NFIB: variants seen among roughly 807,000 people sequenced by gnomAD.
The protein encoded by NFIB is nuclear factor 1 B-type.
In NFIB, 11 loss-of-function variants were observed where a neutral mutation model predicts 61.5. That is an observed-to-expected ratio of 0.18 (90% confidence interval 0.11 to 0.30). The LOEUF is 0.30. Among genes scored for constraint, NFIB ranks in the 10% least tolerant of loss-of-function variants. The probability of loss-of-function intolerance (pLI) is 1.00; values close to 1 mark genes in which losing one functional copy is unlikely to be tolerated. For missense variants in NFIB, 471 were observed against 608.9 expected, an observed-to-expected ratio of 0.77 and a Z score of 2.38; for synonymous variants, 260 against 216.5, an observed-to-expected ratio of 1.20 and a Z score of -1.76.
At chr9:14,451,303 G>C in the NFIB span, among the ~76,000 whole-genome samples, 1 of 152,148 alleles carries the variant, frequency 6.6e-6, no homozygotes, top group Non-Finnish European at 1.5e-5. Context: ...TTACATCTTT[G>C]TATACCTGAT....
chr9:14,137,375 T>G (rs538597830), intron 6 of NFIB, among the ~76,000 whole-genome samples: 1 of 152,304 alleles, frequency 6.6e-6, no homozygotes, highest in Admixed American at 6.5e-5. Context: ...TTATTGTTAT[T>G]CAATGAGAGT....
chr9:14,254,868 T>C (rs2056062602), intron 2 of NFIB, among the ~76,000 whole-genome samples: 1 of 152,172 alleles, frequency 6.6e-6, no homozygotes, highest in Non-Finnish European at 1.5e-5. Flanking sequence ...ATAATAATAA[T>C]GATCTTTTGC....
chr9:14,404,920 G>A, the NFIB span, among the ~76,000 whole-genome samples: 1 of 152,148 alleles, frequency 6.6e-6, no homozygotes, highest in Non-Finnish European at 1.5e-5. Flanking sequence ...CTGTTGTTTG[G>A]CATGATTTTG....
chr9:14,364,693 T>C (rs569594880), intron 1 of NFIB, among the ~76,000 whole-genome samples: 1 of 152,316 alleles, frequency 6.6e-6, no homozygotes, highest in Non-Finnish European at 1.5e-5. Flanking sequence ...GAGCCAGCCC[T>C]TTAAGGAAGA....
At chr9:14,283,233 G>A (rs2132453308) in intron 2 of NFIB, among the ~76,000 whole-genome samples, 2 of 152,292 alleles carry the variant, frequency 1.3e-5, no homozygotes, top group East Asian at 3.9e-4. Context: ...CTCCGGACTA[G>A]GGGCTCTTGG....
chr9:14,095,265 G>A (rs1275194750), intron 10 of NFIB, among the ~76,000 whole-genome samples: 1 of 152,134 alleles, frequency 6.6e-6, no homozygotes, highest in East Asian at 1.9e-4. Flanking sequence ...AACTGAAAAT[G>A]AAAGATGAAA....
At chr9:14,522,703 T>C in the NFIB span, among the ~76,000 whole-genome samples, 1 of 152,246 alleles carries the variant, frequency 6.6e-6, no homozygotes, top group Non-Finnish European at 1.5e-5. Context: ...TTGAGTCTCA[T>C]ATTCTTCCAC....
At chr9:14,243,388 C>A (rs1361668652) in intron 2 of NFIB, among the ~76,000 whole-genome samples, 2 of 152,124 alleles carry the variant, frequency 1.3e-5, no homozygotes, top group African/African-American at 4.8e-5. Flanking sequence ...GATTCCAAAA[C>A]AAATCTGGAT....
chr9:14,232,373 T>C (rs1459626435), intron 2 of NFIB, among the ~76,000 whole-genome samples: 2 of 152,230 alleles, frequency 1.3e-5, no homozygotes, highest in East Asian at 1.9e-4. Context: ...CTTAACTCCG[T>C]GTGTGCCTGT....
At chr9:14,306,129 TCTC>T (rs1473404077) in intron 2 of NFIB, 1 of 375,584 alleles carries the variant, frequency 2.7e-6, no homozygotes, top group African/African-American at 2.1e-5. Context: ...TGTATACCAT[TCTC>T]CTTCTCAGGT....
Position 14,120,609 on chromosome 9 carries a change from G to A in NFIB, c.1076C>T (p.Thr359Ile). 6.2e-7 allele frequency: 1 copy of A among 1,609,034 alleles called. No homozygotes were observed. Residue 359 changes from threonine to isoleucine, a missense_variant, in exon 8 of 11, where the codon ACT becomes ATT. Physicochemically the swap from Thr to Ile is moderately conservative, Grantham distance 89 (BLOSUM62 -1). Around this residue, in one of 2 missense-constraint regions of NFIB, gnomAD observed 372 missense variants for 395.6 expected, o/e 0.94. Coordinates refer to ENST00000380953, the MANE Select transcript of NFIB (RefSeq NM_001190737.2). This position sits in a 1 kb window ranked among gnomAD's most constrained non-coding sequence, Gnocchi z 4.4. ...GVAHSVISTR[T>I]PPPPSPLPFP... ...TGGCAACGGTGAAGGTGGAGGTGGA[G>A]TTCGAGTTGAGATGACTGCAGAAGA... is the stretch of plus-strand genomic sequence containing the variant.
chr9:14,230,355 G>T lies in NFIB; in HGVS notation c.563-50575C>A, dbSNP rs530127758. On this transcript the variant is annotated intron_variant, in intron 2 of 10. Coordinates refer to ENST00000380953, the MANE Select transcript of NFIB (RefSeq NM_001190737.2). ...CAAGCTATATGACTATTTCCAATGG[G>T]TATTAACAAATATTTGTTTAACAGA... Among the ~76,000 whole-genome samples, 20 of 152,248 alleles carry T rather than the reference G, an allele frequency of 1.3e-4. No individual in the cohort carries two copies. The South Asian group carries it at 3.9e-3, about 30-fold the overall frequency.
chr9:14,367,247 C>G (rs934379618), intron 1 of NFIB, among the ~76,000 whole-genome samples: 9 of 152,018 alleles, frequency 5.9e-5, no homozygotes, highest in African/African-American at 1.7e-4. Context: ...AACAAGGAAA[C>G]ATTATTAATT....
chr9:14,368,004 T>G (rs1317854491), intron 1 of NFIB, among the ~76,000 whole-genome samples: 2 of 152,118 alleles, frequency 1.3e-5, no homozygotes, highest in African/African-American at 4.8e-5. Flanking sequence ...GTTCTGCACA[T>G]GTATCCCAGG....
At chr9:14,482,052 C>G in the NFIB span, among the ~76,000 whole-genome samples, 1 of 151,834 alleles carries the variant, frequency 6.6e-6, no homozygotes, top group Non-Finnish European at 1.5e-5. Context: ...TGTTGGAATA[C>G]TGAGACGATG....
chr9:14,471,762 A>C, the NFIB span, among the ~76,000 whole-genome samples: 1 of 152,196 alleles, frequency 6.6e-6, no homozygotes, highest in South Asian at 2.1e-4. Context: ...TCACTTTACC[A>C]AGCTAATTTG....
At chr9:14,479,274 C>G in the NFIB span, among the ~76,000 whole-genome samples, 1 of 152,164 alleles carries the variant, frequency 6.6e-6, no homozygotes, top group Admixed American at 6.5e-5. Flanking sequence ...CATGTAGATA[C>G]CAGCAAGTAG....
chr9:14,290,849 G>A (rs2059045992), intron 2 of NFIB, among the ~76,000 whole-genome samples: 2 of 151,988 alleles, frequency 1.3e-5, no homozygotes, highest in Non-Finnish European at 2.9e-5. Context: ...TAACTTGCAT[G>A]CATTCATCCA....
Position 14,084,638 on chromosome 9 carries a change from T to G in NFIB, c.*3671A>C, listed in dbSNP as rs1318117056. On this transcript the variant is annotated 3_prime_UTR_variant, in exon 11 of 11. Coordinates refer to ENST00000380953, the MANE Select transcript of NFIB (RefSeq NM_001190737.2). ...AGGCTGAACAGTGCCACGGAACTGA[T>G]GGTTGGAGACACCACTCCCTACTCA... is the stretch of plus-strand genomic sequence containing the variant. 1 of 229,434 alleles carries G rather than the reference T, an allele frequency of 4.4e-6. No homozygotes were observed. 14.2% of individuals were successfully genotyped at this position (229,434 alleles called of 1,614,324 possible).
Sources: gnomAD v4.1 joint callset for allele counts (sites outside exome capture counted in the v4.1 genomes callset) on GRCh38, gnomAD v4.1.1 for gene constraint, gnomAD v4.1.1 regional missense constraint, Gnocchi (gnomAD v3.1) non-coding constraint, MANE v1.5 for transcripts, NCBI Gene and HGNC (gene_info 2026-07-23, HGNC 2026-07-21) for gene names.